Variants in SPATA13 observed in about 807,000 individuals in gnomAD.
The protein encoded by SPATA13 is spermatogenesis associated 13.
In SPATA13, 50 loss-of-function variants were observed where a neutral mutation model predicts 104.0. That is an observed-to-expected ratio of 0.48 (90% CI 0.38 to 0.61). The LOEUF (loss-of-function observed/expected upper bound fraction) is 0.61. SPATA13 is among the 20% of genes least tolerant of loss of function. The pLI, the probability that SPATA13 is intolerant of heterozygous loss-of-function variation, is 0.00. For missense variants in SPATA13, 1,524 were observed against 1,690.6 expected, an observed-to-expected ratio of 0.90 and a Z score of 1.73; for synonymous variants, 606 against 667.5, an observed-to-expected ratio of 0.91 and a Z score of 1.42.
intron 3 of SPATA13, among the ~76,000 whole-genome samples, chr13:24,112,572 A>C (rs1880680106): frequency 6.6e-6 from 1 of 152,132 alleles, no homozygotes; most frequent in South Asian, 2.1e-4. Flanking sequence ...ACACACACAC[A>C]CAAACCCAGT....
At chr13:24,239,323 A>G (rs1021445609) in intron 2 of SPATA13, among the ~76,000 whole-genome samples, 2 of 152,186 alleles carry the variant, frequency 1.3e-5, no homozygotes, top group African/African-American at 4.8e-5. Context: ...CTCTATCACT[A>G]ATTTCAAAAG....
intron 2 of SPATA13, among the ~76,000 whole-genome samples, chr13:24,004,409 A>G (rs2137677372): frequency 6.6e-6 from 1 of 152,258 alleles, no homozygotes; most frequent in Middle Eastern, 3.4e-3. Context: ...TCCAGGTTGG[A>G]TGGACCACAG....
chr13:24,053,427 A>G (rs1024996477), intron 3 of SPATA13, among the ~76,000 whole-genome samples: 1 of 152,210 alleles, frequency 6.6e-6, no homozygotes, highest in African/African-American at 2.4e-5. Flanking sequence ...GAAATGATCT[A>G]CGAGAAGTAA....
chr13:24,136,975 G>A lies in SPATA13; in HGVS notation c.-111-85844G>A, dbSNP rs1285579903. On this transcript the variant is annotated intron_variant, in intron 3 of 14. Coordinates refer to the SPATA13 transcript ENST00000424834. ...CTCCCGAGTAGCTGGGACTACAGGC[G>A]CCCGCCACTACGCCCGGCTAATTTT... is the stretch of plus-strand genomic sequence containing the variant. 2.0e-5 allele frequency among the ~76,000 whole-genome samples: 2 copies of A among 101,056 alleles called. 1 individual carries two copies. Among genetic ancestry groups the A allele is most frequent in the Admixed American group, 2.3e-4 (2 of 8,798 alleles). The allele number at this position is 101,056 out of a possible 152,430, so 66.3% of individuals were successfully genotyped here. A position where few individuals can be genotyped will look rare whatever the true frequency, so the allele number is the denominator to read the frequency against.
chr13:24,262,034 G>A (rs532387887), intron 4 of SPATA13, among the ~76,000 whole-genome samples: 14 of 152,254 alleles, frequency 9.2e-5, no homozygotes, highest in African/African-American at 3.1e-4. Flanking sequence ...ATGTGTCAGC[G>A]TTTATTCTCA....
intron 2 of SPATA13, among the ~76,000 whole-genome samples, chr13:24,245,803 G>T (rs1161594786): frequency 6.6e-6 from 1 of 151,622 alleles, no homozygotes; most frequent in African/African-American, 2.4e-5. Flanking sequence ...TGCCCACGCT[G>T]GTCTTGAATT....
chr13:24,223,729 A>G lies in SPATA13; in HGVS notation c.800A>G (p.Lys267Arg). ...NLAFLKKSSF[K>R]RKSTSNLADL... is the part of the protein sequence containing the mutation. ...GCCTTTCTGAAGAAGAGCTCCTTTA[A>G]GCGGAAGTCCACCTCCAATCTTGCA... The change falls in exon 2 of 13, where the codon AAG (lysine) becomes AGG (arginine). Residue 267 changes from lysine to arginine, a missense_variant. Coordinates refer to ENST00000382108, the MANE Select transcript of SPATA13 (RefSeq NM_001166271.3). 4 of 1,552,084 alleles carry G rather than the reference A, an allele frequency of 2.6e-6. No homozygotes were observed. The East Asian group carries it at 9.8e-5, about 38-fold the overall frequency.
chr13:24,186,858 AT>A (rs556594922), intron 1 of SPATA13, among the ~76,000 whole-genome samples: 13 of 152,314 alleles, frequency 8.5e-5, no homozygotes, highest in African/African-American at 3.1e-4. Context: ...GCTTTTGCAT[AT>A]TCTCATGAAA....
At position 24,189,880 on chromosome 13, in the gene SPATA13, T is replaced by TA. The variant is rs1351928499; in HGVS notation, c.-112+28949dup. On this transcript the variant is annotated intron_variant, in intron 1 of 12. Coordinates refer to ENST00000382108, the MANE Select transcript of SPATA13 (RefSeq NM_001166271.3). ...ATATATCATATATAATATAATTATA[T>TA]ATCATAATATATATTATATAATTAT... Among the ~76,000 whole-genome samples, 26 of 27,708 alleles carry TA rather than the reference T, an allele frequency of 9.4e-4. 5 individuals are homozygous for TA. The highest frequency in any genetic ancestry group is 1.4e-3 in the South Asian group (1 of 716). The allele number at this position is 27,708 out of a possible 152,430, so 18.2% of individuals were successfully genotyped here. A position where few individuals can be genotyped will look rare whatever the true frequency, so the allele number is the denominator to read the frequency against.
chr13:24,189,944 C>A (rs1304844729), intron 1 of SPATA13, among the ~76,000 whole-genome samples: 1 of 29,018 alleles, frequency 3.4e-5, no homozygotes, highest in Non-Finnish European at 6.0e-5. Context: ...TAATATATTA[C>A]ATAATATATT....
chr13:24,113,907 A>G (rs554940363), intron 3 of SPATA13, among the ~76,000 whole-genome samples: 1 of 151,562 alleles, frequency 6.6e-6, no homozygotes, highest in East Asian at 1.9e-4. Flanking sequence ...AAGAAAATAT[A>G]GTTATATAAA....
At chr13:24,174,208 C>T (rs1456453579) in intron 1 of SPATA13, among the ~76,000 whole-genome samples, 3 of 152,080 alleles carry the variant, frequency 2.0e-5, no homozygotes, top group Non-Finnish European at 2.9e-5. Context: ...TTAAAGAAAG[C>T]GGTCCATTTT....
intron 1 of SPATA13, among the ~76,000 whole-genome samples, chr13:24,183,024 T>C (rs1220573): frequency 0.93 from 142,057 of 152,214 alleles, 66,781 homozygotes; most frequent in Non-Finnish European, 0.99. Flanking sequence ...GATATCTGCT[T>C]ACATATATTC....
intron 1 of SPATA13, among the ~76,000 whole-genome samples, chr13:24,185,925 T>C (rs1869123081): frequency 6.6e-6 from 1 of 152,132 alleles, no homozygotes. Flanking sequence ...CAGGCGTTGA[T>C]GTTTTAGGCT....
intron 4 of SPATA13, chr13:24,278,495 C>T: frequency 1.8e-6 from 1 of 548,672 alleles, no homozygotes; most frequent in Non-Finnish European, 2.9e-6. Context: ...CCAGCTTGGT[C>T]CCAAACTCCT....
intron 2 of SPATA13, among the ~76,000 whole-genome samples, chr13:24,009,698 C>A (rs1876382876): frequency 6.6e-6 from 1 of 152,114 alleles, no homozygotes. Flanking sequence ...TGGTGGAGAC[C>A]AAAGTTTTAT....
chr13:24,286,280 G>A lies in SPATA13; in HGVS notation c.2368G>A (p.Glu790Lys). Reference sequence around the variant, plus strand: ...GGACCATGTGACCATGGATGACCAGGAACTGGGCTTCAAAGCCGGGGATGT... The same window carrying A: ...GGACCATGTGACCATGGATGACCAGAAACTGGGCTTCAAAGCCGGGGATGT... ...LWDHVTMDDQ[E>K]LGFKAGDVIQ... The change falls in exon 6 of 13, where the codon GAA (glutamate) becomes AAA (lysine). Residue 790 changes from glutamate to lysine, a missense_variant. Physicochemically the swap from Glu to Lys is moderately conservative, Grantham distance 56. Around this residue, in one of 2 missense-constraint regions of SPATA13, gnomAD observed 1,089 missense variants for 1,135.9 expected, o/e 0.96. Coordinates refer to ENST00000382108, the MANE Select transcript of SPATA13 (RefSeq NM_001166271.3). This position sits in a 1 kb window ranked among gnomAD's most constrained non-coding sequence, Gnocchi z 4.9. The A allele has an allele frequency of 6.2e-7, 1 of 1,614,064 alleles. No homozygotes were observed. Among genetic ancestry groups the A allele is most frequent in the Non-Finnish European group, 8.5e-7 (1 of 1,180,038 alleles).
chr13:24,098,677 C>T (rs973336660), intron 3 of SPATA13, among the ~76,000 whole-genome samples: 2 of 151,454 alleles, frequency 1.3e-5, no homozygotes, highest in African/African-American at 4.8e-5. Flanking sequence ...GACTGTAATC[C>T]CAGCACTTTG....
chr13:24,109,221 TTCTTGTGA>T (rs1880557475), intron 3 of SPATA13, among the ~76,000 whole-genome samples: 1 of 152,184 alleles, frequency 6.6e-6, no homozygotes, highest in South Asian at 2.1e-4. Context: ...TGGTTTTCTG[TTCTTGTGA>T]TAGTTTCCTG....
Sources: gnomAD v4.1 joint callset for allele counts (sites outside exome capture counted in the v4.1 genomes callset) on GRCh38, gnomAD v4.1.1 for gene constraint, gnomAD v4.1.1 regional missense constraint, Gnocchi (gnomAD v3.1) non-coding constraint, MANE v1.5 for transcripts, NCBI Gene and HGNC (gene_info 2026-07-23, HGNC 2026-07-21) for gene names.